The following PSME4 variants were observed in gnomAD, a reference collection of about 807,000 sequenced individuals.
PSME4 encodes the protein proteasome activator complex subunit 4.
PSME4 carries 89 observed loss-of-function variants against 253.9 expected under a neutral mutation model. The ratio of observed to expected loss-of-function variants is 0.35; its 90% CI spans 0.30 to 0.42. The LOEUF is 0.42. Ranked by LOEUF, PSME4 falls within the 10% of genes least tolerant of loss-of-function variation. PSME4 has a pLI of 1.00. For missense variants in PSME4, 2,014 were observed against 2,195.2 expected (o/e 0.92, Z 1.65); for synonymous variants, 851 against 759.2 (o/e 1.12, Z -1.99).
At chr2:53,937,320 T>C (rs1669170537) in intron 5 of PSME4, 71 bp downstream of exon 5, 2 of 1,338,314 alleles carry the variant, frequency 1.5e-6, no homozygotes, top group Admixed American at 2.5e-5. Flanking sequence ...TAGTTGTTAT[T>C]GTTTTACTAG....
rs1678496338 is a variant in PSME4 at position 53,864,908 on chromosome 2, TACACACA to T, written c.*663_*669del. On this transcript the variant is annotated 3_prime_UTR_variant, in exon 47 of 47. Coordinates refer to ENST00000404125, the MANE Select transcript of PSME4 (RefSeq NM_014614.3). ...TTTATTTTTAAAATCACACATTGAA[TACACACA>T]ACAATCAGATTTCTTCACCAAACCC... 1 of 152,648 alleles carries T rather than the reference TACACACA, an allele frequency of 6.6e-6. No individual in the cohort carries two copies. Among genetic ancestry groups the T allele is most frequent in the African/African-American group, 2.4e-5 (1 of 41,454 alleles). 9.5% of individuals were successfully genotyped at this position (152,648 alleles called of 1,614,324 possible). A position where few individuals can be genotyped will look rare whatever the true frequency, so the allele number is the denominator to read the frequency against.
chr2:53,934,578 A>G, intron 8 of PSME4, 27 bp downstream of exon 8: 1 of 1,591,708 alleles, frequency 6.3e-7, no homozygotes, highest in Non-Finnish European at 8.6e-7. Flanking sequence ...CGTAAACTAC[A>G]GAAAACAAAT....
At chr2:53,944,616 A>G (rs914900756) in intron 3 of PSME4, among the ~76,000 whole-genome samples, 4 of 152,194 alleles carry the variant, frequency 2.6e-5, no homozygotes, top group African/African-American at 9.7e-5. Flanking sequence ...GTTTTAGGAG[A>G]AATTTTTCTC....
intron 10 of PSME4, 32 bp downstream of exon 10, chr2:53,931,803 A>G (rs749126570): frequency 6.2e-7 from 1 of 1,607,028 alleles, no homozygotes; most frequent in East Asian, 2.2e-5. Context: ...AGAAAAACCT[A>G]GCTGTGGCTG....
chr2:53,953,261 C>T (rs1670080275), intron 1 of PSME4, among the ~76,000 whole-genome samples: 2 of 152,008 alleles, frequency 1.3e-5, no homozygotes, highest in South Asian at 4.1e-4. Context: ...CTTCTAGTCA[C>T]TATAAGACAC....
At chr2:53,906,447 G>A (rs1680663270) in intron 26 of PSME4, 151 bp downstream of exon 26, 5 of 1,192,442 alleles carry the variant, frequency 4.2e-6, no homozygotes, top group Non-Finnish European at 4.4e-6. Flanking sequence ...CTTCCTGGAG[G>A]TAATTACTGG....
In PSME4 at chr2:53,969,404, G is replaced by A. The variant is rs573542482; in HGVS notation, c.242+1139C>T. On this transcript the variant is annotated intron_variant, in intron 1 of 46. Coordinates refer to ENST00000404125, the MANE Select transcript of PSME4 (RefSeq NM_014614.3). ...TTTGTCAGAGGCCCCTTAATAATTG[G>A]CAGATGAGAATCATCCAGTGAATAT... Among the ~76,000 whole-genome samples the A allele has an allele frequency of 2.0e-5, 3 of 152,222 alleles. No individual in the cohort carries two copies. In the South Asian group the frequency reaches 6.2e-4, roughly 32 times the overall value.
intron 27 of PSME4, among the ~76,000 whole-genome samples, chr2:53,903,364 T>C (rs548732507): frequency 2.6e-4 from 40 of 152,126 alleles, no homozygotes; most frequent in Non-Finnish European, 5.4e-4. Flanking sequence ...CTTTTTTCAG[T>C]CCCCTCATAT....
At chr2:53,954,497 A>C (rs1203989452) in intron 1 of PSME4, among the ~76,000 whole-genome samples, 1 of 152,192 alleles carries the variant, frequency 6.6e-6, no homozygotes, top group Non-Finnish European at 1.5e-5. Flanking sequence ...TTAAAAATGT[A>C]ATAATAACAA....
At chr2:53,952,088 A>G (rs1455143594) in intron 1 of PSME4, among the ~76,000 whole-genome samples, 1 of 152,196 alleles carries the variant, frequency 6.6e-6, no homozygotes, top group Non-Finnish European at 1.5e-5. Flanking sequence ...ATAAAGACAG[A>G]AGACATCAAA....
intron 21 of PSME4, 117 bp downstream of exon 21, chr2:53,909,958 A>T: frequency 1.1e-6 from 1 of 893,296 alleles, no homozygotes; most frequent in African/African-American, 1.6e-5. Context: ...AGACAGAGTG[A>T]GACTCTGTCT....
intron 43 of PSME4, among the ~76,000 whole-genome samples, chr2:53,873,410 T>C (rs1237086722): frequency 6.6e-6 from 1 of 152,170 alleles, no homozygotes; most frequent in African/African-American, 2.4e-5. Flanking sequence ...CCAATAAGTA[T>C]ATAAAATACT....
At chr2:53,967,744 A>G (rs1016105541) in intron 1 of PSME4, among the ~76,000 whole-genome samples, 3 of 149,486 alleles carry the variant, frequency 2.0e-5, no homozygotes, top group African/African-American at 2.5e-5. Context: ...TCCCAAACAC[A>G]CCTCTGATGT....
At chr2:53,881,251 G>T (rs1679377445) in intron 41 of PSME4, among the ~76,000 whole-genome samples, 1 of 152,040 alleles carries the variant, frequency 6.6e-6, no homozygotes, top group Non-Finnish European at 1.5e-5. Flanking sequence ...ACAATGCGAG[G>T]TGACTGTATC....
intron 6 of PSME4, among the ~76,000 whole-genome samples, chr2:53,936,533 T>C (rs1401598315): frequency 2.6e-5 from 4 of 152,188 alleles, no homozygotes; most frequent in East Asian, 1.9e-4. Flanking sequence ...TACATGCTTA[T>C]ACTCCTAAAT....
intron 14 of PSME4, among the ~76,000 whole-genome samples, chr2:53,924,555 T>A (rs1668470320): frequency 6.6e-6 from 1 of 152,198 alleles, no homozygotes; most frequent in Non-Finnish European, 1.5e-5. Context: ...GGGAGTGATG[T>A]CATAAGCAAT....
chr2:53,895,925 A>T (rs575257877), intron 32 of PSME4, among the ~76,000 whole-genome samples, 189 bp from the exon 33 acceptor site: 2 of 152,314 alleles, frequency 1.3e-5, no homozygotes, highest in Non-Finnish European at 2.9e-5. Context: ...TTATCTACTA[A>T]ATTGTGTTGA....
intron 29 of PSME4, 150 bp downstream of exon 29, chr2:53,899,731 G>A: frequency 1.1e-6 from 1 of 882,442 alleles, no homozygotes; most frequent in Non-Finnish European, 1.7e-6. Context: ...CGCATGAGAA[G>A]AGCTTAAACC....
intron 1 of PSME4, among the ~76,000 whole-genome samples, chr2:53,957,541 C>G (rs1003901946): frequency 6.6e-6 from 1 of 152,120 alleles, no homozygotes; most frequent in Non-Finnish European, 1.5e-5. Flanking sequence ...CACCACTGAT[C>G]TGAGAGGAGG....
Sources: allele counts gnomAD v4.1 joint callset (sites outside exome capture counted in the v4.1 genomes callset), GRCh38; gene constraint gnomAD v4.1.1; transcripts MANE v1.5; gene names NCBI Gene and HGNC (gene_info 2026-07-23, HGNC 2026-07-21).